SEL1L2: variants seen among roughly 807,000 people sequenced by gnomAD.
SEL1L2 encodes the protein protein sel-1 homolog 2.
A neutral mutation model predicts 98.8 loss-of-function variants in SEL1L2; 89 were observed. That is an observed-to-expected ratio of 0.90 (90% CI 0.76 to 1.07). SEL1L2 has a LOEUF of 1.07. Among genes scored for constraint, SEL1L2 ranks in the 50% least tolerant of loss-of-function variants. The pLI is 0.00. For synonymous variants in SEL1L2, 262 were observed against 278.5 expected (o/e 0.94, Z 0.59); for missense variants, 788 against 812.0 (o/e 0.97, Z 0.36).
intron 18 of SEL1L2, among the ~76,000 whole-genome samples, chr20:13,853,550 G>A (rs149050969): frequency 1.7e-3 from 254 of 152,278 alleles, no homozygotes; most frequent in South Asian, 3.5e-3. Context: ...AGAGTATATT[G>A]TAATAATGGT....
At chr20:13,954,688 G>A (rs947476018) in intron 2 of SEL1L2, among the ~76,000 whole-genome samples, 1 of 152,102 alleles carries the variant, frequency 6.6e-6, no homozygotes. Context: ...GCTGGGCATT[G>A]GGTAGATGCT....
At position 13,913,782 on chromosome 20, in the gene SEL1L2, G is replaced by A. The variant is rs115304130; in HGVS notation, c.549C>T (p.Asn183=). Residue 183 remains asparagine (N), a splice_region_variant and synonymous_variant, in exon 5 of 20, where the codon AAC becomes AAT. Coordinates refer to ENST00000284951, the MANE Select transcript of SEL1L2 (RefSeq NM_025229.2). The part of the protein sequence containing the change: ...LAKEGSCKAQ[N]ALGFLSSYGI... ...GGTTTCATTTTCCTTCAAAACTCACGTTTTGGGCTTTACATGATCCTTCTT... is the reference window on the plus strand; with the variant it reads ...GGTTTCATTTTCCTTCAAAACTCACATTTTGGGCTTTACATGATCCTTCTT... The A allele has an allele frequency of 6.1e-4, 925 of 1,514,974 alleles. 5 individuals are homozygous for A. In the African/African-American group the frequency reaches 0.011, roughly 18 times the overall value. The allele number at this position is 1,514,974 out of a possible 1,614,324, so 93.8% of individuals were successfully genotyped here.
At chr20:13,932,640 A>T (rs1246951870) in intron 2 of SEL1L2, among the ~76,000 whole-genome samples, 1 of 152,072 alleles carries the variant, frequency 6.6e-6, no homozygotes, top group Non-Finnish European at 1.5e-5. Context: ...CATGTTGACC[A>T]GGCTGTTCTC....
intron 1 of SEL1L2, among the ~76,000 whole-genome samples, chr20:13,968,894 T>C (rs2051165149): frequency 6.6e-6 from 1 of 152,230 alleles, no homozygotes; most frequent in South Asian, 2.1e-4. Flanking sequence ...AACTGTTGTA[T>C]TTCTTGCTTG....
intron 17 of SEL1L2, among the ~76,000 whole-genome samples, chr20:13,862,734 CT>C (rs1990357242): frequency 2.0e-5 from 3 of 152,082 alleles, no homozygotes; most frequent in South Asian, 4.2e-4. Flanking sequence ...GTTGCCCAGG[CT>C]GGAGTGCAGT....
intron 3 of SEL1L2, among the ~76,000 whole-genome samples, chr20:13,926,905 A>G (rs1235174310): frequency 6.6e-6 from 1 of 152,214 alleles, no homozygotes; most frequent in African/African-American, 2.4e-5. Context: ...ATTAATGATG[A>G]TTAATTCTAA....
chr20:13,870,611 G>T (rs2046141461), intron 12 of SEL1L2, among the ~76,000 whole-genome samples: 1 of 152,142 alleles, frequency 6.6e-6, no homozygotes, highest in Non-Finnish European at 1.5e-5. Flanking sequence ...CCTGTCAAAT[G>T]TGGTAAGTCC....
At chr20:13,930,029 A>T (rs2049072665) in intron 3 of SEL1L2, among the ~76,000 whole-genome samples, 1 of 152,218 alleles carries the variant, frequency 6.6e-6, no homozygotes, top group Non-Finnish European at 1.5e-5. Flanking sequence ...GAGCTTAGGC[A>T]ATCCGCCCAC....
intron 1 of SEL1L2, among the ~76,000 whole-genome samples, chr20:13,967,898 A>T (rs1317997757): frequency 2.6e-5 from 4 of 152,184 alleles, no homozygotes; most frequent in Admixed American, 6.5e-5. Context: ...TCTTAACAGA[A>T]ATGATTTACA....
At chr20:13,980,150 C>A (rs894804671) in intron 1 of SEL1L2, among the ~76,000 whole-genome samples, 1 of 152,076 alleles carries the variant, frequency 6.6e-6, no homozygotes. Context: ...AAAATCACAA[C>A]GAGATATTGC....
Position 13,865,350 on chromosome 20 carries a change from A to G in SEL1L2, c.1569T>C (p.Ser523=). Residue 523 remains serine, a splice_region_variant and synonymous_variant, in exon 16 of 20, where the codon TCT becomes TCC. Transcript: ENST00000284951. ...AQSNSAFILE[S]KKANILEKEK... ...GCAGAGAATTTTAACTCATCTTACT[A>G]GATTCCAAAATGAATGCTGAATTGC... The G allele has an allele frequency of 6.2e-7, 1 of 1,613,976 alleles. No individual in the cohort carries two copies. The highest frequency in any genetic ancestry group is 8.5e-7 in the Non-Finnish European group (1 of 1,179,864).
intron 18 of SEL1L2, among the ~76,000 whole-genome samples, chr20:13,850,914 GCTC>G (rs1301044813): frequency 6.6e-6 from 1 of 152,176 alleles, no homozygotes; most frequent in Non-Finnish European, 1.5e-5. Context: ...CCCTGGAACA[GCTC>G]CTAGTTGTGA....
At chr20:13,854,846 G>A (rs1368623419) in intron 18 of SEL1L2, among the ~76,000 whole-genome samples, 1 of 152,118 alleles carries the variant, frequency 6.6e-6, no homozygotes, top group African/African-American at 2.4e-5. Context: ...GAGGTCAAGA[G>A]ATTGAGACCA....
intron 1 of SEL1L2, among the ~76,000 whole-genome samples, chr20:13,965,885 G>A (rs772977827): frequency 2.0e-5 from 3 of 151,220 alleles, no homozygotes; most frequent in African/African-American, 2.4e-5. Flanking sequence ...CCTGGGAGGC[G>A]GAGGTTACAG....
chr20:13,891,403 G>A (rs2047197828), intron 5 of SEL1L2, among the ~76,000 whole-genome samples: 1 of 152,108 alleles, frequency 6.6e-6, no homozygotes, highest in African/African-American at 2.4e-5. Context: ...GCGCAGTGGT[G>A]CACACCTGTA....
At chr20:13,891,453 G>A (rs1203216544) in intron 5 of SEL1L2, among the ~76,000 whole-genome samples, 2 of 152,090 alleles carry the variant, frequency 1.3e-5, no homozygotes, top group East Asian at 3.9e-4. Flanking sequence ...CGGACCACAA[G>A]ATCAAGAGAT....
At position 13,926,240 on chromosome 20, in the gene SEL1L2, T is replaced by G. The variant is rs548777949; in HGVS notation, c.283+5363A>C. Among the ~76,000 whole-genome samples the G allele has an allele frequency of 7.2e-5, 11 of 152,154 alleles. No individual in the cohort carries two copies. In the East Asian group the frequency reaches 7.7e-4, roughly 11 times the overall value. On this transcript the variant is annotated intron_variant, in intron 3 of 19. Transcript: ENST00000284951. ...TGAGGCAGGAGAATGGCGTGAACCC[T>G]GGAGGCGGAGCTTGTAGTGAGCGGA...
intron 17 of SEL1L2, among the ~76,000 whole-genome samples, chr20:13,860,153 C>A (rs1288500009): frequency 1.3e-5 from 2 of 152,166 alleles, no homozygotes; most frequent in Admixed American, 1.3e-4. Context: ...GCCCTCTTTC[C>A]CAGATCAATC....
In SEL1L2 at chr20:13,959,533, G is replaced by A. The variant is rs540659198; in HGVS notation, c.59-3402C>T. Among the ~76,000 whole-genome samples the A allele has an allele frequency of 5.9e-5, 9 of 152,260 alleles. No individual in the cohort carries two copies. In the East Asian group the frequency reaches 1.2e-3, roughly 20 times the overall value. On this transcript the variant is annotated intron_variant, in intron 1 of 19. Coordinates refer to ENST00000284951, the MANE Select transcript of SEL1L2 (RefSeq NM_025229.2). ...CCAGGACAAGGCCTGACCGCTCGTC[G>A]TACAACCAAAGCTTCAAAAGTCAAA...
Sources: allele counts gnomAD v4.1 joint callset (sites outside exome capture counted in the v4.1 genomes callset), GRCh38; gene constraint gnomAD v4.1.1; transcripts MANE v1.5; gene names NCBI Gene and HGNC (gene_info 2026-07-23, HGNC 2026-07-21).